The following TRIM13 variants were observed in gnomAD, a reference collection of about 807,000 sequenced individuals.
The protein encoded by TRIM13 is E3 ubiquitin-protein ligase TRIM13.
TRIM13 carries 15 observed loss-of-function variants against 27.1 expected under a neutral mutation model. The observed-to-expected ratio is 0.55, with a 90% CI of 0.37 to 0.85. The LOEUF (loss-of-function observed/expected upper bound fraction) is 0.85, where lower values mean the gene tolerates loss of function less well. TRIM13 is among the 40% of genes least tolerant of loss of function. The pLI is 0.00. For synonymous variants in TRIM13, 193 were observed against 171.5 expected (o/e 1.13, Z -0.98); for missense variants, 402 against 472.2 (o/e 0.85, Z 1.38).
chr13:50,015,549 G>C lies in TRIM13; in HGVS notation c.*2385G>C. On this transcript the variant is annotated 3_prime_UTR_variant, in exon 2 of 2. Coordinates refer to ENST00000378182, the MANE Select transcript of TRIM13 (RefSeq NM_213590.3). Reference sequence around the variant, plus strand: ...GTGGGAGGGAAGATATTCACGACAAGGTTTTCTACGATAAAGCAGTTTCCT... The same window carrying C: ...GTGGGAGGGAAGATATTCACGACAACGTTTTCTACGATAAAGCAGTTTCCT... The C allele has an allele frequency of 6.2e-7, 1 of 1,614,072 alleles. No homozygotes were observed.
At chr13:49,998,816 A>G (rs1273731410) in intron 1 of TRIM13, among the ~76,000 whole-genome samples, 6 of 151,782 alleles carry the variant, frequency 4.0e-5, no homozygotes, top group African/African-American at 1.5e-4. Flanking sequence ...CTGTAATCCC[A>G]GCTACTCGGG....
In TRIM13 at chr13:50,016,087, C is replaced by T. The variant is rs755279497; in HGVS notation, c.*2923C>T. ...CTGGAGTCAGGTATTTTGTACTTTG[C>T]AGTATTTCTCTTGTATACCAGTTTG... On this transcript the variant is annotated 3_prime_UTR_variant, in exon 2 of 2. Coordinates refer to ENST00000378182, the MANE Select transcript of TRIM13 (RefSeq NM_213590.3). 3 of 1,582,976 alleles carry T rather than the reference C, an allele frequency of 1.9e-6. No homozygotes were observed. The African/African-American group carries it at 4.0e-5, about 21-fold the overall frequency.
In TRIM13 at chr13:50,000,178, T is replaced by A. The variant is rs556686984; in HGVS notation, c.-7+2415T>A. 2.0e-5 allele frequency among the ~76,000 whole-genome samples: 3 copies of A among 152,278 alleles called. No homozygotes were observed. In the East Asian group the frequency reaches 5.8e-4, roughly 29 times the overall value. On this transcript the variant is annotated intron_variant, in intron 1 of 1. Coordinates refer to ENST00000378182, the MANE Select transcript of TRIM13 (RefSeq NM_213590.3). ...TCGGGTAGGTATGGTAACAAGTGTG[T>A]CTTATTGTTTTTTACTAAGTCCTAT...
chr13:49,999,471 G>A (rs1376923295), intron 1 of TRIM13, among the ~76,000 whole-genome samples: 1 of 151,912 alleles, frequency 6.6e-6, no homozygotes, highest in African/African-American at 2.4e-5. Flanking sequence ...TTCTTTCTTG[G>A]CTCGAGACAA....
At chr13:49,998,124 T>C (rs990851810) in intron 1 of TRIM13, among the ~76,000 whole-genome samples, 2 of 152,218 alleles carry the variant, frequency 1.3e-5, no homozygotes, top group African/African-American at 4.8e-5. Flanking sequence ...TAATAGGCAC[T>C]TTAAAAGCAG....
chr13:50,006,682 A>C (rs1384591746), intron 1 of TRIM13, among the ~76,000 whole-genome samples: 1 of 152,162 alleles, frequency 6.6e-6, no homozygotes, highest in Non-Finnish European at 1.5e-5. Flanking sequence ...TTCAGAAGAC[A>C]AACTAAGTTG....
At chr13:50,002,210 G>A (rs548406006) in intron 1 of TRIM13, among the ~76,000 whole-genome samples, 10 of 152,206 alleles carry the variant, frequency 6.6e-5, no homozygotes, top group South Asian at 2.1e-4. Context: ...CCAACATGGC[G>A]AAACCCCGTC....
chr13:50,015,091 AAAAATATATATATATATATATATATATAT>A lies in TRIM13; in HGVS notation c.*1929_*1957del, dbSNP rs1328152775. 30 of 29,054 alleles carry A rather than the reference AAAAATATATATATATATATATATATATAT, an allele frequency of 1.0e-3. 2 individuals carry two copies. The highest frequency in any genetic ancestry group is 5.6e-3 in the South Asian group (3 of 532). 1.8% of individuals were successfully genotyped at this position (29,054 alleles called of 1,614,324 possible). On this transcript the variant is annotated 3_prime_UTR_variant, in exon 2 of 2. Transcript: ENST00000378182. ...TCCCAGTAATAAAAAAAAAAAAAAAAAAAATATATATATATATATATATATATATATATATATATATATATATATATATA... is the reference window on the plus strand; with the variant it reads ...TCCCAGTAATAAAAAAAAAAAAAAAAATATATATATATATATATATATATA...
At position 49,997,578 on chromosome 13, in the gene TRIM13, G is replaced by GT. The variant is rs1873388630; in HGVS notation, c.-191dup. ...AGGTCTAAACAGCCGGGCTTTATTT[G>GT]TGGGGGCGATTGAAAAAATTGAGGG... is the stretch of plus-strand genomic sequence containing the variant. On this transcript the variant is annotated 5_prime_UTR_variant, in exon 1 of 2. Transcript: ENST00000378182. 6.6e-6 allele frequency: 1 copy of GT among 152,144 alleles called. No individual in the cohort carries two copies. Among genetic ancestry groups the GT allele is most frequent in the African/African-American group, 2.4e-5 (1 of 41,426 alleles). 9.4% of individuals were successfully genotyped at this position (152,144 alleles called of 1,614,324 possible). A position where few individuals can be genotyped will look rare whatever the true frequency, so the allele number is the denominator to read the frequency against.
Position 50,009,752 on chromosome 13 carries a change from A to C in TRIM13, c.-6-2183A>C, listed in dbSNP as rs1279390909. On this transcript the variant is annotated intron_variant, in intron 1 of 1. Transcript: ENST00000378182. Reference sequence around the variant, plus strand: ...ACTCCGTCTCAAAAAAAAAAAAAAAAAAAAAACAACAACAACAAAAAACAC... The same window carrying C: ...ACTCCGTCTCAAAAAAAAAAAAAAACAAAAAACAACAACAACAAAAAACAC... 2.9e-4 allele frequency among the ~76,000 whole-genome samples: 28 copies of C among 95,446 alleles called. No homozygotes were observed. The East Asian group carries it at 5.2e-3, about 18-fold the overall frequency. 62.6% of individuals were successfully genotyped at this position (95,446 alleles called of 152,430 possible). A position where few individuals can be genotyped will look rare whatever the true frequency, so the allele number is the denominator to read the frequency against.
intron 1 of TRIM13, among the ~76,000 whole-genome samples, chr13:49,999,240 G>A (rs1873700892): frequency 6.6e-6 from 1 of 152,046 alleles, no homozygotes; most frequent in Non-Finnish European, 1.5e-5. Flanking sequence ...TAGGGTGGGA[G>A]GGCCAGTCTT....
At position 50,017,799 on chromosome 13, in the gene TRIM13, C is replaced by G. The variant is rs1285210441; in HGVS notation, c.*4635C>G. The G allele has an allele frequency of 1.2e-5, 2 of 166,980 alleles. No individual in the cohort carries two copies. Among genetic ancestry groups the G allele is most frequent in the African/African-American group, 4.8e-5 (2 of 41,432 alleles). The allele number at this position is 166,980 out of a possible 1,614,324, so 10.3% of individuals were successfully genotyped here. On this transcript the variant is annotated 3_prime_UTR_variant, in exon 2 of 2. Transcript: ENST00000378182. ...AGCAATCATTTTTATTTTTTGCTCA[C>G]TCCCTGGTCTGAATCTATCTGTCTA...
chr13:50,015,095 ATATAT>A lies in TRIM13; in HGVS notation c.*1932_*1936del, dbSNP rs1171851499. 1.8e-4 allele frequency: 3 copies of A among 16,704 alleles called. No homozygotes were observed. The highest frequency in any genetic ancestry group is 9.7e-4 in the African/African-American group (3 of 3,094). The allele number at this position is 16,704 out of a possible 1,614,324, so 1.0% of individuals were successfully genotyped here. On this transcript the variant is annotated 3_prime_UTR_variant, in exon 2 of 2. Transcript: ENST00000378182. ...AGTAATAAAAAAAAAAAAAAAAAAA[ATATAT>A]ATATATATATATATATATATATATA...
Position 50,011,239 on chromosome 13 carries a change from C to T in TRIM13, c.-6-696C>T, listed in dbSNP as rs1055515768. On this transcript the variant is annotated intron_variant, in intron 1 of 1. Coordinates refer to ENST00000378182, the MANE Select transcript of TRIM13 (RefSeq NM_213590.3). Reference sequence around the variant, plus strand: ...GAAAATAGTTTTGATCTCACAGATGCCCTGAAAGAGGGACATCCAGGTTTC... The same window carrying T: ...GAAAATAGTTTTGATCTCACAGATGTCCTGAAAGAGGGACATCCAGGTTTC... Among the ~76,000 whole-genome samples the T allele has an allele frequency of 3.3e-5, 5 of 152,258 alleles. No individual in the cohort carries two copies. The East Asian group carries it at 7.7e-4, about 23-fold the overall frequency.
At chr13:50,008,909 G>A (rs1875176358) in intron 1 of TRIM13, among the ~76,000 whole-genome samples, 1 of 149,510 alleles carries the variant, frequency 6.7e-6, no homozygotes, top group Non-Finnish European at 1.5e-5. Flanking sequence ...CGTGCCTGTA[G>A]TCCCAGCTAC....
At position 50,017,206 on chromosome 13, in the gene TRIM13, T is replaced by A. The variant is rs60828549; in HGVS notation, c.*4042T>A. ...ATGGGATACTTTAACAAAAATGAAA[T>A]TTTTTTTGGTTTTTAAAATATGAGT... On this transcript the variant is annotated 3_prime_UTR_variant, in exon 2 of 2. Coordinates refer to ENST00000378182, the MANE Select transcript of TRIM13 (RefSeq NM_213590.3). The A allele has an allele frequency of 0.18, 29,521 of 166,718 alleles. 2,929 individuals are homozygous for A. The highest frequency in any genetic ancestry group is 0.26 in the African/African-American group (10,756 of 41,418). The allele number at this position is 166,718 out of a possible 1,614,324, so 10.3% of individuals were successfully genotyped here. A position where few individuals can be genotyped will look rare whatever the true frequency, so the allele number is the denominator to read the frequency against.
chr13:50,011,571 TAC>T (rs1053770676), intron 1 of TRIM13, among the ~76,000 whole-genome samples: 3 of 152,232 alleles, frequency 2.0e-5, no homozygotes, highest in African/African-American at 7.2e-5. Context: ...CTCATTCTGT[TAC>T]AGACACTGAA....
chr13:50,002,659 T>G (rs930702402), intron 1 of TRIM13, among the ~76,000 whole-genome samples: 2 of 151,736 alleles, frequency 1.3e-5, no homozygotes, highest in African/African-American at 4.8e-5. Context: ...TTAATGGATC[T>G]CTCTTTTTTT....
intron 1 of TRIM13, among the ~76,000 whole-genome samples, chr13:50,007,195 A>C (rs367561072): frequency 0.18 from 25,846 of 146,112 alleles, 2,606 homozygotes; most frequent in African/African-American, 0.27. Flanking sequence ...AAAAAAAAAA[A>C]CCCAAAAAAA....
Sources: gnomAD v4.1 joint callset for allele counts (sites outside exome capture counted in the v4.1 genomes callset) on GRCh38, gnomAD v4.1.1 for gene constraint, MANE v1.5 for transcripts, NCBI Gene and HGNC (gene_info 2026-07-23, HGNC 2026-07-21) for gene names.